KANK1: variants seen among roughly 807,000 people sequenced by gnomAD.
KANK1 encodes KN motif and ankyrin repeat domains 1, also known as KN motif and ankyrin repeat domain-containing protein 1.
KANK1 carries 109 observed loss-of-function variants against 106.2 expected under a neutral mutation model. That is an observed-to-expected ratio of 1.03 (90% CI 0.88 to 1.20). The LOEUF (loss-of-function observed/expected upper bound fraction) is 1.20. Ranked by LOEUF, KANK1 falls within the 50% of genes most tolerant of loss-of-function variation. The pLI is 0.00. For synonymous variants in KANK1, 873 were observed against 652.2 expected (o/e 1.34, Z -5.16); for missense variants, 2,399 against 1,710.7 (o/e 1.40, Z -7.10).
At chr9:528,674 G>T (rs543110830) in intron 1 of KANK1, among the ~76,000 whole-genome samples, 2 of 151,872 alleles carry the variant, frequency 1.3e-5, no homozygotes, top group East Asian at 3.9e-4. Context: ...TTTTAGTAGA[G>T]ACCTGGTTTC....
chr9:474,616 A>T (rs2058074537), intron 3 of KANK1, among the ~76,000 whole-genome samples: 1 of 152,082 alleles, frequency 6.6e-6, no homozygotes, highest in African/African-American at 2.4e-5. Context: ...ATATGTGTGT[A>T]ATTTCTATGC....
intron 2 of KANK1, among the ~76,000 whole-genome samples, chr9:685,707 A>T (rs976762122): frequency 6.6e-6 from 1 of 152,146 alleles, no homozygotes; most frequent in African/African-American, 2.4e-5. Context: ...TTCCTTTTTC[A>T]TGATTTTATT....
intron 1 of KANK1, among the ~76,000 whole-genome samples, chr9:571,578 A>ATTT (rs200350172): frequency 3.3e-5 from 5 of 151,634 alleles, no homozygotes; most frequent in South Asian, 2.1e-4. Flanking sequence ...AAAAAAAAAA[A>ATTT]TTTTAAAAAC....
chr9:741,640 C>A (rs374124653), intron 9 of KANK1, among the ~76,000 whole-genome samples: 3 of 151,862 alleles, frequency 2.0e-5, no homozygotes, highest in Non-Finnish European at 2.9e-5. Flanking sequence ...GGCGCCCACC[C>A]CCACGTCCGG....
intron 7 of KANK1, among the ~76,000 whole-genome samples, chr9:737,102 G>A (rs957197026): frequency 6.6e-6 from 1 of 152,064 alleles, no homozygotes; most frequent in African/African-American, 2.4e-5. Context: ...ACAATGCCAG[G>A]GCTAGATAAT....
intron 8 of KANK1, 49 bp from the exon 9 acceptor site, chr9:740,743 A>G (rs1309769493): frequency 2.5e-6 from 4 of 1,583,410 alleles, no homozygotes; most frequent in African/African-American, 1.4e-5. Context: ...AGCGGCTGCT[A>G]TTAGAAGGGG....
intron 1 of KANK1, among the ~76,000 whole-genome samples, chr9:637,708 A>C (rs936822595): frequency 6.6e-6 from 1 of 152,112 alleles, no homozygotes; most frequent in Non-Finnish European, 1.5e-5. Context: ...TAATGTTAAG[A>C]TGTTTAGAAT....
intron 1 of KANK1, among the ~76,000 whole-genome samples, chr9:665,570 G>A (rs372671049): frequency 1.3e-5 from 2 of 152,186 alleles, no homozygotes; most frequent in African/African-American, 4.8e-5. Context: ...GGCTACTATA[G>A]CCTTGTAGTA....
At chr9:672,236 A>T (rs567211984) in intron 1 of KANK1, among the ~76,000 whole-genome samples, 1 of 152,166 alleles carries the variant, frequency 6.6e-6, no homozygotes, top group Non-Finnish European at 1.5e-5. Flanking sequence ...CTTGTTTCTT[A>T]TGTATACAAT....
chr9:741,826 C>G (rs1835652323), intron 9 of KANK1, among the ~76,000 whole-genome samples: 1 of 151,456 alleles, frequency 6.6e-6, no homozygotes, highest in Non-Finnish European at 1.5e-5. Context: ...TCAGTGTTGC[C>G]CAAGCTGCTC....
chr9:597,899 A>T (rs1468155503), intron 1 of KANK1, among the ~76,000 whole-genome samples: 2 of 151,550 alleles, frequency 1.3e-5, no homozygotes, highest in East Asian at 3.9e-4. Context: ...TCTTGACCTC[A>T]GGTGATCCAC....
At chr9:609,470 A>G (rs1830083159) in intron 1 of KANK1, among the ~76,000 whole-genome samples, 1 of 152,120 alleles carries the variant, frequency 6.6e-6, no homozygotes, top group South Asian at 2.1e-4. Flanking sequence ...TCTACTAAAA[A>G]TACAAAAAAT....
chr9:567,005 G>C (rs1055090651), intron 1 of KANK1, among the ~76,000 whole-genome samples: 1 of 152,068 alleles, frequency 6.6e-6, no homozygotes, highest in Non-Finnish European at 1.5e-5. Context: ...AATCCTTCTT[G>C]AGTTGATTTT....
intron 1 of KANK1, among the ~76,000 whole-genome samples, chr9:672,226 C>T (rs1815335829): frequency 6.6e-6 from 1 of 152,284 alleles, no homozygotes; most frequent in East Asian, 1.9e-4. Context: ...ACTCCCTGTG[C>T]TTGTTTCTTA....
intron 2 of KANK1, among the ~76,000 whole-genome samples, chr9:710,051 A>G (rs1265425155): frequency 6.6e-6 from 1 of 152,206 alleles, no homozygotes; most frequent in African/African-American, 2.4e-5. Flanking sequence ...ATTTTAGACT[A>G]CAAAAGTGGG....
chr9:600,826 A>G (rs180717711), intron 1 of KANK1, among the ~76,000 whole-genome samples: 63 of 151,956 alleles, frequency 4.1e-4, no homozygotes, highest in African/African-American at 1.4e-3. Context: ...TCCAAGAAAG[A>G]TGAGTTTGGG....
chr9:476,489 C>G (rs951037068), intron 3 of KANK1: 2 of 152,112 alleles, frequency 1.3e-5, no homozygotes, highest in East Asian at 1.9e-4. Flanking sequence ...CCACTGCACT[C>G]CAGCCTGGGC....
intron 1 of KANK1, among the ~76,000 whole-genome samples, chr9:607,073 T>C (rs564289689): frequency 2.0e-5 from 3 of 151,866 alleles, no homozygotes; most frequent in African/African-American, 7.3e-5. Context: ...TAAAACAGGG[T>C]CTTAGACTAG....
intron 1 of KANK1, among the ~76,000 whole-genome samples, chr9:651,264 T>C (rs1404267206): frequency 1.3e-5 from 2 of 152,244 alleles, no homozygotes; most frequent in Non-Finnish European, 2.9e-5. Flanking sequence ...ATGTGCATTT[T>C]ATATTTTTCT....
Sources: gnomAD v4.1 joint callset for allele counts (sites outside exome capture counted in the v4.1 genomes callset) on GRCh38, gnomAD v4.1.1 for gene constraint, MANE v1.5 for transcripts, NCBI Gene and HGNC (gene_info 2026-07-23, HGNC 2026-07-21) for gene names.